Variants in METRN observed in about 807,000 individuals in gnomAD.
The protein encoded by METRN is meteorin, glial cell differentiation regulator.
Under a neutral mutation model 17.4 loss-of-function variants are expected in METRN, and 17 were observed. The observed-to-expected ratio is 0.98, with a 90% CI of 0.67 to 1.46. The LOEUF (loss-of-function observed/expected upper bound fraction) is 1.46, where lower values mean the gene tolerates loss of function less well. Ranked by LOEUF, METRN falls within the 40% of genes most tolerant of loss-of-function variation. METRN has a pLI of 0.00. For missense variants in METRN, 489 were observed against 456.2 expected (o/e 1.07, Z -0.65); for synonymous variants, 230 against 210.8 (o/e 1.09, Z -0.79).
At chr16:716,641 A>G (rs1428714751) in intron 2 of METRN, 5 of 1,535,228 alleles carry the variant, frequency 3.3e-6, no homozygotes, top group Non-Finnish European at 4.4e-6. Context: ...ATGGGAGTGC[A>G]GGAGGGCGGC....
At position 715,699 on chromosome 16, in the gene METRN, C is replaced by G. The variant is rs754921151; in HGVS notation, c.220C>G (p.Pro74Ala). 2 of 1,394,908 alleles carry G rather than the reference C, an allele frequency of 1.4e-6. No individual in the cohort carries two copies. Among genetic ancestry groups the G allele is most frequent in the Non-Finnish European group, 1.9e-6 (2 of 1,077,984 alleles). 86.4% of individuals were successfully genotyped at this position (1,394,908 alleles called of 1,614,324 possible). The change falls in exon 2 of 4, where the codon CCC (proline) becomes GCC (alanine). Residue 74 changes from proline (P) to alanine (A), a missense_variant. Coordinates refer to ENST00000568223, the MANE Select transcript of METRN (RefSeq NM_024042.4). Reference protein sequence around the residue: ...ALRLTLGGPDPRARPGIACLR... With the variant: ...ALRLTLGGPDARARPGIACLR... ...GCGCCTGACCCTGGGCGGCCCCGAT[C>G]CCAGAGCGCGGCCCGGCATCGCCTG...
chr16:715,295 G>A lies in METRN; in HGVS notation c.6G>A (p.Gly2=). Residue 2 remains glycine (G), a synonymous_variant, in exon 1 of 4, where the codon GGG becomes GGA. Coordinates refer to ENST00000568223, the MANE Select transcript of METRN (RefSeq NM_024042.4). M[G]FPAAALLCAL... is the part of the protein sequence containing the mutation. Reference sequence around the variant, plus strand: ...CGGACGCCGCCCGCCGTGCCATGGGGTTCCCGGCCGCGGCGCTGCTCTGCG... The same window carrying A: ...CGGACGCCGCCCGCCGTGCCATGGGATTCCCGGCCGCGGCGCTGCTCTGCG... The A allele has an allele frequency of 7.5e-7, 1 of 1,331,888 alleles. No homozygotes were observed. Among genetic ancestry groups the A allele is most frequent in the Non-Finnish European group, 9.6e-7 (1 of 1,039,014 alleles). 82.5% of individuals were successfully genotyped at this position (1,331,888 alleles called of 1,614,324 possible). A position where few individuals can be genotyped will look rare whatever the true frequency, so the allele number is the denominator to read the frequency against.
chr16:715,710 G>T lies in METRN; in HGVS notation c.231G>T (p.Arg77=). ...LTLGGPDPRA[R]PGIACLRPVR... ...TGGGCGGCCCCGATCCCAGAGCGCG[G>T]CCCGGCATCGCCTGTCTGCGGCCGG... is the stretch of plus-strand genomic sequence containing the variant. Residue 77 remains arginine, a synonymous_variant, in exon 2 of 4, where the codon CGG becomes CGT. Transcript: ENST00000568223. The T allele has an allele frequency of 7.3e-7, 1 of 1,371,770 alleles. No individual in the cohort carries two copies. Among genetic ancestry groups the T allele is most frequent in the Non-Finnish European group, 9.4e-7 (1 of 1,065,894 alleles). 85.0% of individuals were successfully genotyped at this position (1,371,770 alleles called of 1,614,324 possible).
Position 718,997 on chromosome 16 carries a change from CCT to C in METRN, c.*1611_*1612del, listed in dbSNP as rs1050623827. On this transcript the variant is annotated 3_prime_UTR_variant, in exon 4 of 4. Transcript: ENST00000568223. ...GCCCTCCTGCACCGCCTCCTCCACT[CCT>C]GTCTTGGAGAGGCTTTCCCGTGGGC... 2 of 152,400 alleles carry C rather than the reference CCT, an allele frequency of 1.3e-5. No individual in the cohort carries two copies. Among genetic ancestry groups the C allele is most frequent in the African/African-American group, 2.4e-5 (1 of 41,472 alleles). 9.4% of individuals were successfully genotyped at this position (152,400 alleles called of 1,614,324 possible). A position where few individuals can be genotyped will look rare whatever the true frequency, so the allele number is the denominator to read the frequency against.
rs1465144368 is a variant in METRN, at chr16:717,222, A to C, written c.717A>C (p.Pro239=). The C allele has an allele frequency of 6.3e-7, 1 of 1,592,148 alleles. No homozygotes were observed. Among genetic ancestry groups the C allele is most frequent in the Non-Finnish European group, 8.5e-7 (1 of 1,172,282 alleles). The change falls in exon 4 of 4, where the codon CCA becomes CCC. Residue 239 remains proline (P), a synonymous_variant. Coordinates refer to ENST00000568223, the MANE Select transcript of METRN (RefSeq NM_024042.4). Reference sequence around the variant, plus strand: ...AGGGGCTGACCTCCATTCGTACCCCACTGCGCTGTGGCGTCCACCCGGGCC... The same window carrying C: ...AGGGGCTGACCTCCATTCGTACCCCCCTGCGCTGTGGCGTCCACCCGGGCC... The part of the protein sequence containing the change: ...GDQGLTSIRT[P]LRCGVHPGPG...
rs375302696 is a variant in METRN at position 717,246 on chromosome 16, C to G, written c.741C>G (p.Gly247=). The change falls in exon 4 of 4, where the codon GGC becomes GGG. Residue 247 remains glycine (G), a synonymous_variant. Transcript: ENST00000568223. ...RTPLRCGVHP[G]PGTFLFMGWS... is the part of the protein sequence containing the mutation. Reference sequence around the variant, plus strand: ...CACTGCGCTGTGGCGTCCACCCGGGCCCAGGCACCTTCCTCTTCATGGGCT... The same window carrying G: ...CACTGCGCTGTGGCGTCCACCCGGGGCCAGGCACCTTCCTCTTCATGGGCT... The G allele has an allele frequency of 1.3e-6, 2 of 1,572,618 alleles. No individual in the cohort carries two copies. Among genetic ancestry groups the G allele is most frequent in the Non-Finnish European group, 8.6e-7 (1 of 1,162,200 alleles).
intron 2 of METRN, chr16:716,399 C>T (rs1009067600): frequency 6.3e-6 from 9 of 1,428,020 alleles, no homozygotes; most frequent in Non-Finnish European, 6.4e-6. Context: ...ATGGAGACGC[C>T]GCTCGCCTCC....
At chr16:716,487 T>TGAAAGGG in intron 2 of METRN, 1 of 1,472,868 alleles carries the variant, frequency 6.8e-7, no homozygotes, top group Non-Finnish European at 9.0e-7. Context: ...GGGCTCTCGC[T>TGAAAGGG]ATTCTGCCCC....
Position 716,999 on chromosome 16 carries a change from G to A in METRN, c.565+7G>A, listed in dbSNP as rs1437385821. ...GCATGCACCAGCGACTTCGGTGAGT[G>A]TCCCCGCCATGGGGGGAGCCTGGAG... On this transcript the variant is annotated splice_region_variant and intron_variant, in intron 3 of 3. Transcript: ENST00000568223. 1.2e-6 allele frequency: 2 copies of A among 1,608,828 alleles called. No homozygotes were observed. The highest frequency in any genetic ancestry group is 2.2e-5 in the South Asian group (2 of 90,688).
intron 2 of METRN, chr16:716,237 G>A: frequency 3.0e-6 from 3 of 985,434 alleles, no homozygotes; most frequent in Non-Finnish European, 3.6e-6. Flanking sequence ...CAGCAATCCT[G>A]GGCCTCTGGT....
rs560716693 is a variant in METRN, at chr16:717,476, C to A, written c.*89C>A. The A allele has an allele frequency of 4.3e-5, 53 of 1,231,350 alleles. No homozygotes were observed. Among genetic ancestry groups the A allele is most frequent in the Non-Finnish European group, 5.3e-5 (50 of 944,512 alleles). 76.3% of individuals were successfully genotyped at this position (1,231,350 alleles called of 1,614,324 possible). On this transcript the variant is annotated 3_prime_UTR_variant, in exon 4 of 4. Coordinates refer to ENST00000568223, the MANE Select transcript of METRN (RefSeq NM_024042.4). ...GGACTATCAATAAGAACTCTGTTCA[C>A]GCAAGCTGCTGTGGACCTGGTCTCC...
chr16:719,628 T>G lies in METRN; in HGVS notation c.*2241T>G, dbSNP rs1401004445. ...TCCTGGCCAACATGGTGAAACCGTCTCTAATAAAACACAAAAAATTAGCCA... is the reference window on the plus strand; with the variant it reads ...TCCTGGCCAACATGGTGAAACCGTCGCTAATAAAACACAAAAAATTAGCCA... On this transcript the variant is annotated 3_prime_UTR_variant, in exon 4 of 4. Coordinates refer to ENST00000568223, the MANE Select transcript of METRN (RefSeq NM_024042.4). 1 of 151,670 alleles carries G rather than the reference T, an allele frequency of 6.6e-6. No individual in the cohort carries two copies. The highest frequency in any genetic ancestry group is 1.5e-5 in the Non-Finnish European group (1 of 67,872). The allele number at this position is 151,670 out of a possible 1,614,324, so 9.4% of individuals were successfully genotyped here. A position where few individuals can be genotyped will look rare whatever the true frequency, so the allele number is the denominator to read the frequency against.
rs1050402982 is a variant in METRN at position 715,126 on chromosome 16, C to T, written c.-164C>T. On this transcript the variant is annotated 5_prime_UTR_variant, in exon 1 of 4. Transcript: ENST00000568223. ...CCTTCCCGACCCGCTCCAAGGCGGC[C>T]CCGGCGCTGGGGCTGCGCGGCAGGC... The T allele has an allele frequency of 6.3e-6, 1 of 158,718 alleles. No homozygotes were observed. Among genetic ancestry groups the T allele is most frequent in the Admixed American group, 6.6e-5 (1 of 15,046 alleles). The allele number at this position is 158,718 out of a possible 1,614,324, so 9.8% of individuals were successfully genotyped here.
chr16:716,159 C>T, intron 2 of METRN, 175 bp downstream of exon 2: 1 of 985,306 alleles, frequency 1.0e-6, no homozygotes, highest in South Asian at 4.7e-5. Flanking sequence ...GCCTCCCCGC[C>T]CTCCCTTCCC....
chr16:715,475 G>A, intron 1 of METRN, 82 bp downstream of exon 1: 1 of 1,257,674 alleles, frequency 8.0e-7, no homozygotes. Context: ...GGAGCGCGCA[G>A]AGCGCTGGGC....
At chr16:716,139 G>C in intron 2 of METRN, 155 bp downstream of exon 2, 2 of 985,466 alleles carry the variant, frequency 2.0e-6, no homozygotes, top group South Asian at 9.4e-5. Flanking sequence ...GGGACTGCTG[G>C]GGAGGGATGG....
Position 715,774 on chromosome 16 carries a change from G to A in METRN, c.295G>A (p.Ala99Thr). ...FAGAQVFAERAGGALELLLAE... is the reference protein window; with the variant it reads ...FAGAQVFAERTGGALELLLAE... ...GGGCGCCCAGGTCTTCGCGGAGCGC[G>A]CAGGGGGCGCCCTGGAGCTGCTGCT... Residue 99 changes from alanine (A) to threonine (T), a missense_variant, in exon 2 of 4, where the codon GCA becomes ACA. Ala to Thr is a moderately conservative substitution (Grantham distance 58). Transcript: ENST00000568223. 1.6e-6 allele frequency: 2 copies of A among 1,261,164 alleles called. No individual in the cohort carries two copies. Among genetic ancestry groups the A allele is most frequent in the Non-Finnish European group, 2.0e-6 (2 of 1,006,402 alleles). The allele number at this position is 1,261,164 out of a possible 1,614,324, so 78.1% of individuals were successfully genotyped here. A position where few individuals can be genotyped will look rare whatever the true frequency, so the allele number is the denominator to read the frequency against.
intron 2 of METRN, chr16:716,596 T>G: frequency 6.5e-7 from 1 of 1,535,238 alleles, no homozygotes; most frequent in South Asian, 1.2e-5. Context: ...TCCGGGAAAC[T>G]AGAGGGGTCC....
Position 715,656 on chromosome 16 carries a change from G to A in METRN, c.177G>A (p.Leu59=). 2 of 1,432,512 alleles carry A rather than the reference G, an allele frequency of 1.4e-6. No individual in the cohort carries two copies. The highest frequency in any genetic ancestry group is 1.4e-5 in the South Asian group (1 of 71,418). The allele number at this position is 1,432,512 out of a possible 1,614,324, so 88.7% of individuals were successfully genotyped here. ...GTGCGGAGGGCGCGGTTGAGTGGCTGTACCCGGCTGGGGCGCTGCGCCTGA... is the reference window on the plus strand; with the variant it reads ...GTGCGGAGGGCGCGGTTGAGTGGCTATACCCGGCTGGGGCGCTGCGCCTGA... The part of the protein sequence containing the change: ...LACAEGAVEW[L]YPAGALRLTL... Residue 59 remains leucine, a synonymous_variant, in exon 2 of 4, where the codon CTG becomes CTA. Transcript: ENST00000568223.
Sources: allele counts gnomAD v4.1 joint callset, GRCh38; gene constraint gnomAD v4.1.1; transcripts MANE v1.5; gene names NCBI Gene and HGNC (gene_info 2026-07-23, HGNC 2026-07-21).